The following TNIP1 variants were observed in gnomAD, a reference collection of about 807,000 sequenced individuals.
The protein encoded by TNIP1 is TNFAIP3-interacting protein 1.
In TNIP1, 22 loss-of-function variants were observed where a neutral mutation model predicts 86.6. That is an observed-to-expected ratio of 0.25 (90% CI 0.18 to 0.36). TNIP1 has a LOEUF of 0.36. Among genes scored for constraint, TNIP1 ranks in the 10% least tolerant of loss-of-function variants. The pLI is 1.00. For synonymous variants in TNIP1, 294 were observed against 313.0 expected, an observed-to-expected ratio of 0.94 and a Z score of 0.64; for missense variants, 709 against 820.6, an observed-to-expected ratio of 0.86 and a Z score of 1.66.
intron 5 of TNIP1, among the ~76,000 whole-genome samples, chr5:151,058,840 T>G (rs1761018372): frequency 6.6e-6 from 1 of 152,234 alleles, no homozygotes; most frequent in African/African-American, 2.4e-5. Context: ...TGAGGTTTCC[T>G]GACTCGCCAT....
chr5:151,053,858 A>G (rs867559672), intron 6 of TNIP1, among the ~76,000 whole-genome samples: 12 of 152,358 alleles, frequency 7.9e-5, no homozygotes, highest in Admixed American at 1.3e-4. Flanking sequence ...TAAAACTCCA[A>G]TTGGCAGACC....
chr5:151,048,515 C>T (rs1465678036), intron 8 of TNIP1, among the ~76,000 whole-genome samples: 3 of 152,172 alleles, frequency 2.0e-5, no homozygotes, highest in Non-Finnish European at 1.5e-5. Context: ...AAGGCACACT[C>T]GTCGCCCCTC....
intron 1 of TNIP1, among the ~76,000 whole-genome samples, chr5:151,074,125 A>G (rs1324793790): frequency 6.6e-6 from 1 of 152,244 alleles, no homozygotes; most frequent in Admixed American, 6.5e-5. Context: ...GAAAGGAAGG[A>G]GAGAGAAGAC....
chr5:151,067,795 G>A (rs1162270407), intron 1 of TNIP1, among the ~76,000 whole-genome samples: 3 of 152,180 alleles, frequency 2.0e-5, no homozygotes, highest in Non-Finnish European at 2.9e-5. Flanking sequence ...CCTCCTGCAA[G>A]GCCATGTCCA....
intron 7 of TNIP1, among the ~76,000 whole-genome samples, chr5:151,051,861 T>C (rs1475282489): frequency 6.6e-6 from 1 of 152,154 alleles, no homozygotes; most frequent in Non-Finnish European, 1.5e-5. Flanking sequence ...CTGAGTCCTC[T>C]GGACAGCCAG....
In TNIP1 at chr5:151,030,676, G is replaced by A. The variant is rs551891676; in HGVS notation, c.*37C>T. ...TGGCAATCTGAGATCAGCTGGCTCT[G>A]CAAGATGAAGGTGGAGCCAAATGAC... On this transcript the variant is annotated 3_prime_UTR_variant, in exon 18 of 18. Coordinates refer to ENST00000521591, the MANE Select transcript of TNIP1 (RefSeq NM_006058.5). The A allele has an allele frequency of 8.1e-6, 13 of 1,614,002 alleles. No homozygotes were observed. Among genetic ancestry groups the A allele is most frequent in the South Asian group, 7.7e-5 (7 of 91,046 alleles).
chr5:151,060,112 C>T (rs145844834), intron 5 of TNIP1, among the ~76,000 whole-genome samples: 60 of 152,268 alleles, frequency 3.9e-4, no homozygotes, highest in Admixed American at 1.6e-3. Flanking sequence ...GTCGGGTGCC[C>T]GTGTGCTCCA....
chr5:151,031,696 C>T (rs1470700959), intron 17 of TNIP1, among the ~76,000 whole-genome samples: 2 of 152,196 alleles, frequency 1.3e-5, no homozygotes, highest in African/African-American at 4.8e-5. Flanking sequence ...CCCTCTCTTT[C>T]CCTACCTTGT....
intron 9 of TNIP1, among the ~76,000 whole-genome samples, chr5:151,045,176 C>T (rs1442256905): frequency 2.0e-5 from 3 of 152,146 alleles, no homozygotes; most frequent in African/African-American, 7.2e-5. Flanking sequence ...ACTGCAACCT[C>T]AGCCTCCCGG....
At chr5:151,051,117 A>C (rs1759874255) in intron 7 of TNIP1, among the ~76,000 whole-genome samples, 1 of 152,210 alleles carries the variant, frequency 6.6e-6, no homozygotes, top group African/African-American at 2.4e-5. Context: ...TCAGTTTCTG[A>C]ATCCATGGAT....
chr5:151,058,401 A>G lies in TNIP1; in HGVS notation c.436-1444T>C, dbSNP rs567813610. ...GACTCTTTCTCTCTAGTCTATCTGGAATACTCCTACCAAAGACATTGCCTT... is the reference window on the plus strand; with the variant it reads ...GACTCTTTCTCTCTAGTCTATCTGGGATACTCCTACCAAAGACATTGCCTT... On this transcript the variant is annotated intron_variant, in intron 5 of 17. Coordinates refer to ENST00000521591, the MANE Select transcript of TNIP1 (RefSeq NM_006058.5). Among the ~76,000 whole-genome samples the G allele has an allele frequency of 2.6e-5, 4 of 152,342 alleles. No individual in the cohort carries two copies. The East Asian group carries it at 7.7e-4, about 29-fold the overall frequency.
Position 151,056,775 on chromosome 5 carries a change from G to C in TNIP1, c.618C>G (p.Ser206=), listed in dbSNP as rs970195106. 1 of 1,514,822 alleles carries C rather than the reference G, an allele frequency of 6.6e-7. No homozygotes were observed. The allele number at this position is 1,514,822 out of a possible 1,614,324, so 93.8% of individuals were successfully genotyped here. Residue 206 remains serine, a synonymous_variant, in exon 6 of 18, where the codon TCC becomes TCG. Coordinates refer to ENST00000521591, the MANE Select transcript of TNIP1 (RefSeq NM_006058.5). The stretch of plus-strand genomic sequence containing the variant: ...TCCCCACGCGCCTCACCTGCAGAAT[G>C]GAGGTGCGCTGCTCATTCTTGTGCA... ...SKVHKNEQRT[S]ILQTLCEQLR...
intron 1 of TNIP1, among the ~76,000 whole-genome samples, chr5:151,079,431 C>G (rs2113842575): frequency 6.6e-6 from 1 of 152,294 alleles, no homozygotes; most frequent in East Asian, 1.9e-4. Flanking sequence ...TGAGACCAGC[C>G]TGGCCAACAT....
intron 6 of TNIP1, among the ~76,000 whole-genome samples, chr5:151,052,708 C>T (rs896284201): frequency 6.6e-6 from 1 of 152,250 alleles, no homozygotes; most frequent in Non-Finnish European, 1.5e-5. Context: ...CGCTTTTACG[C>T]TTCTCAGCAC....
chr5:151,052,114 T>A (rs1413916912), intron 7 of TNIP1, 51 bp downstream of exon 7: 2 of 1,546,874 alleles, frequency 1.3e-6, no homozygotes, highest in African/African-American at 2.7e-5. Context: ...CACCAGCCCC[T>A]CCTCCTGCAG....
chr5:151,053,018 C>G (rs954597802), intron 6 of TNIP1, among the ~76,000 whole-genome samples: 1 of 151,068 alleles, frequency 6.6e-6, no homozygotes. Context: ...GGCATTCAGT[C>G]GGGACCTCAC....
intron 7 of TNIP1, among the ~76,000 whole-genome samples, chr5:151,050,778 A>C (rs890312263): frequency 6.1e-5 from 9 of 146,698 alleles, no homozygotes; most frequent in Middle Eastern, 3.4e-3. Flanking sequence ...CCCACCACAC[A>C]CCCCCACCCT....
chr5:151,056,065 A>G (rs537110850), intron 6 of TNIP1, among the ~76,000 whole-genome samples: 1 of 152,356 alleles, frequency 6.6e-6, no homozygotes, highest in Admixed American at 6.5e-5. Flanking sequence ...TAATGCAGCA[A>G]TCTAACCATG....
chr5:151,035,540 G>T, intron 14 of TNIP1, 42 bp downstream of exon 14: 1 of 1,613,826 alleles, frequency 6.2e-7, no homozygotes, highest in Admixed American at 1.7e-5. Flanking sequence ...CTCTCCCCAC[G>T]AGGACAGGCC....
Sources: allele counts gnomAD v4.1 joint callset (sites outside exome capture counted in the v4.1 genomes callset), GRCh38; gene constraint gnomAD v4.1.1; transcripts MANE v1.5; gene names NCBI Gene and HGNC (gene_info 2026-07-23, HGNC 2026-07-21).